TEX9: variants seen among roughly 807,000 people sequenced by gnomAD.
TEX9 encodes the protein testis expressed 9.
In TEX9, 74 loss-of-function variants were observed where a neutral mutation model predicts 59.6. The ratio of observed to expected loss-of-function variants is 1.24; its 90% confidence interval spans 1.03 to 1.51. The LOEUF is 1.51. TEX9 is among the 40% of genes most tolerant of loss of function. The probability of loss-of-function intolerance (pLI) is 0.00; values close to 1 mark genes in which losing one functional copy is unlikely to be tolerated. For synonymous variants in TEX9, 186 were observed against 152.2 expected, an observed-to-expected ratio of 1.22 and a Z score of -1.64; for missense variants, 522 against 447.8, an observed-to-expected ratio of 1.17 and a Z score of -1.49.
intron 1 of TEX9, among the ~76,000 whole-genome samples, chr15:56,248,440 A>G (rs1408071646): frequency 5.9e-5 from 9 of 152,118 alleles, no homozygotes; most frequent in Non-Finnish European, 2.9e-5. Context: ...TGGCTATGTG[A>G]CCCTATCTGT....
At chr15:56,434,204 C>G in intron 12 of TEX9, 3 of 1,613,934 alleles carry the variant, frequency 1.9e-6, no homozygotes, top group Non-Finnish European at 2.5e-6. Context: ...TGTGTTCCAG[C>G]TGCTTCATTC....
rs148756628 is a variant in TEX9 at position 56,366,081 on chromosome 15, A to G, written c.119+411A>G. Among the ~76,000 whole-genome samples the G allele has an allele frequency of 1.6e-3, 237 of 152,270 alleles. 2 individuals carry two copies. Among genetic ancestry groups the G allele is most frequent in the African/African-American group, 5.5e-3 (227 of 41,566 alleles). ...TTAGGTTGGTTTCTAAATTGAAAGGATGCTTCCCACTGCAATCAGAATTAC... is the reference window on the plus strand; with the variant it reads ...TTAGGTTGGTTTCTAAATTGAAAGGGTGCTTCCCACTGCAATCAGAATTAC... On this transcript the variant is annotated intron_variant, in intron 2 of 12. Coordinates refer to ENST00000352903, the Ensembl canonical transcript of TEX9.
At chr15:56,275,195 G>C (rs2044640464) in intron 1 of TEX9, among the ~76,000 whole-genome samples, 1 of 152,170 alleles carries the variant, frequency 6.6e-6, no homozygotes. Context: ...CCAACGGTTG[G>C]AAGTTTTTTC....
chr15:56,433,844 A>G (rs1475706511), intron 12 of TEX9, among the ~76,000 whole-genome samples: 3 of 152,158 alleles, frequency 2.0e-5, no homozygotes, highest in African/African-American at 4.8e-5. Context: ...TGTACATGAC[A>G]TATTTATAAT....
chr15:56,384,849 A>G (rs1284639629), intron 4 of TEX9, among the ~76,000 whole-genome samples: 2 of 152,182 alleles, frequency 1.3e-5, no homozygotes, highest in Non-Finnish European at 2.9e-5. Context: ...CAATATCAAC[A>G]GTATGTCCTG....
intron 12 of TEX9, chr15:56,444,419 T>A (rs1359263462): frequency 1.3e-6 from 2 of 1,576,664 alleles, no homozygotes; most frequent in African/African-American, 2.7e-5. Flanking sequence ...CATTTAGACA[T>A]GTAAGAAAGT....
chr15:56,254,418 G>C (rs1239764734), intron 1 of TEX9, among the ~76,000 whole-genome samples: 2 of 151,778 alleles, frequency 1.3e-5, no homozygotes, highest in African/African-American at 4.8e-5. Context: ...TCTTTTGCTT[G>C]TAATTGTCCA....
At chr15:56,298,220 T>C (rs1175195211) in intron 1 of TEX9, among the ~76,000 whole-genome samples, 1 of 152,230 alleles carries the variant, frequency 6.6e-6, no homozygotes, top group African/African-American at 2.4e-5. Flanking sequence ...ACCACTTCTA[T>C]CAACAAAAGT....
At chr15:56,389,362 A>C in exon 6 of TEX9, 1 of 1,611,288 alleles carries the variant, frequency 6.2e-7, no homozygotes, top group East Asian at 2.2e-5. Context: ...TTCAAAACAA[A>C]TTACACTCTG....
At chr15:56,384,631 T>G (rs778966971) in intron 4 of TEX9, among the ~76,000 whole-genome samples, 6 of 152,204 alleles carry the variant, frequency 3.9e-5, no homozygotes, top group Admixed American at 3.9e-4. Flanking sequence ...GTATTGGGAA[T>G]GGAATGCTGC....
chr15:56,395,176 T>C, intron 9 of TEX9: 1 of 268,198 alleles, frequency 3.7e-6, no homozygotes, highest in Non-Finnish European at 6.9e-6. Context: ...TTCTATTTTA[T>C]GTCTCAATAA....
chr15:56,287,620 C>T (rs549192500), intron 1 of TEX9, among the ~76,000 whole-genome samples: 1 of 152,056 alleles, frequency 6.6e-6, no homozygotes, highest in Non-Finnish European at 1.5e-5. Flanking sequence ...TAATAGATCT[C>T]TTAAACTTAT....
chr15:56,392,386 G>C (rs1327119757), intron 7 of TEX9, among the ~76,000 whole-genome samples: 2 of 151,994 alleles, frequency 1.3e-5, no homozygotes, highest in African/African-American at 4.8e-5. Context: ...AACAAGAGAC[G>C]GGGGAGGTGC....
At chr15:56,394,946 C>T in intron 9 of TEX9, 112 bp downstream of exon 9, 1 of 1,034,792 alleles carries the variant, frequency 9.7e-7, no homozygotes, top group Non-Finnish European at 1.4e-6. Flanking sequence ...TTAGTATTTA[C>T]TGAAAACTCT....
chr15:56,288,834 TG>T (rs201000138), intron 1 of TEX9, among the ~76,000 whole-genome samples: 1 of 150,966 alleles, frequency 6.6e-6, no homozygotes. Flanking sequence ...TCTACACTTT[TG>T]TCTCTCTCTT....
At chr15:56,436,314 G>A (rs138111273) in intron 12 of TEX9, among the ~76,000 whole-genome samples, 36 of 152,228 alleles carry the variant, frequency 2.4e-4, no homozygotes, top group African/African-American at 8.4e-4. Context: ...ACTCAAAACC[G>A]CTCAGCTACA....
Position 56,420,599 on chromosome 15 carries a change from C to T in TEX9, c.964-7006C>T, listed in dbSNP as rs547756725. Among the ~76,000 whole-genome samples, 255 of 151,088 alleles carry T rather than the reference C, an allele frequency of 1.7e-3. 5 individuals are homozygous for T. Among genetic ancestry groups the T allele is most frequent in the African/African-American group, 6.1e-3 (247 of 40,416 alleles). Reference sequence around the variant, plus strand: ...GGGATTAAACAGATGTGAGCCATCACGCCTGGCCTCTTTTTCTAATTTTTA... The same window carrying T: ...GGGATTAAACAGATGTGAGCCATCATGCCTGGCCTCTTTTTCTAATTTTTA... On this transcript the variant is annotated intron_variant, in intron 10 of 12. Transcript: ENST00000352903.
chr15:56,394,096 G>A (rs540152174), intron 7 of TEX9, 69 bp from the exon 8 acceptor site: 350 of 1,399,496 alleles, frequency 2.5e-4, no homozygotes, highest in Non-Finnish European at 3.4e-4. Context: ...TAAAGTAATG[G>A]TCTGTCTTAC....
intron 1 of TEX9, among the ~76,000 whole-genome samples, chr15:56,343,268 C>T (rs1205990945): frequency 6.6e-6 from 1 of 151,936 alleles, no homozygotes; most frequent in African/African-American, 2.4e-5. Flanking sequence ...AATTGTTAGC[C>T]TTAAATATAT....
Sources: allele counts gnomAD v4.1 joint callset (sites outside exome capture counted in the v4.1 genomes callset), GRCh38; gene constraint gnomAD v4.1.1; transcripts MANE v1.5; gene names NCBI Gene and HGNC (gene_info 2026-07-23, HGNC 2026-07-21).